ROBO2: variants seen among roughly 807,000 people sequenced by gnomAD.
The protein encoded by ROBO2 is roundabout homolog 2.
Under a neutral mutation model 160.8 loss-of-function variants are expected in ROBO2, and 53 were observed. The observed-to-expected ratio is 0.33, with a 90% CI of 0.26 to 0.41. The LOEUF is 0.41. Ranked by LOEUF, ROBO2 falls within the 10% of genes least tolerant of loss-of-function variation. The pLI is 1.00. For missense variants in ROBO2, 1,577 were observed against 1,722.4 expected (o/e 0.92, Z 1.49); for synonymous variants, 664 against 611.7 (o/e 1.09, Z -1.26).
chr3:76,622,262 GAAAGAAAGAAAGAAAGAAAGAAAGAA>G (rs959667662), intron 2 of ROBO2, among the ~76,000 whole-genome samples: 2 of 69,274 alleles, frequency 2.9e-5, no homozygotes, highest in Non-Finnish European at 6.0e-5. Flanking sequence ...AAGAAAGAAA[GAAAGAAAGAAAGAAAGAAAGAAAGAA>G]AGAAAGAAAG....
chr3:76,439,912 C>A (rs528221614), intron 2 of ROBO2, among the ~76,000 whole-genome samples: 1 of 152,090 alleles, frequency 6.6e-6, no homozygotes, highest in Admixed American at 6.6e-5. Flanking sequence ...TCTTGCCTTC[C>A]GGTATCCATG....
At chr3:76,486,902 C>T (rs1416862907) in intron 2 of ROBO2, among the ~76,000 whole-genome samples, 1 of 152,138 alleles carries the variant, frequency 6.6e-6, no homozygotes, top group African/African-American at 2.4e-5. Context: ...TAATTGTTAT[C>T]CCCTAAACCC....
intron 2 of ROBO2, among the ~76,000 whole-genome samples, chr3:76,558,036 CA>C (rs1560146066): frequency 6.6e-6 from 1 of 151,830 alleles, no homozygotes; most frequent in South Asian, 2.1e-4. Context: ...ACAAAAACAC[CA>C]AAAAAGCGAA....
intron 2 of ROBO2, among the ~76,000 whole-genome samples, chr3:76,462,616 A>AG (rs1451935115): frequency 6.6e-6 from 1 of 152,104 alleles, no homozygotes. Context: ...TAAAAAAAAA[A>AG]AAAAAGAATA....
At chr3:76,163,333 T>C (rs1263766130) in intron 2 of ROBO2, among the ~76,000 whole-genome samples, 1 of 151,728 alleles carries the variant, frequency 6.6e-6, no homozygotes, top group Non-Finnish European at 1.5e-5. Context: ...CTTATTTATA[T>C]AATGGAGATT....
intron 2 of ROBO2, among the ~76,000 whole-genome samples, chr3:77,268,770 G>A (rs1258412833): frequency 6.6e-6 from 1 of 152,154 alleles, no homozygotes; most frequent in Non-Finnish European, 1.5e-5. Flanking sequence ...TTGAATTTTT[G>A]TATCTACTCC....
At chr3:77,514,078 C>T (rs1397213431) in intron 5 of ROBO2, among the ~76,000 whole-genome samples, 4 of 151,508 alleles carry the variant, frequency 2.6e-5, no homozygotes, top group Non-Finnish European at 5.9e-5. Flanking sequence ...TAATTACAGC[C>T]AATGATACCT....
At chr3:77,004,178 T>C (rs904238069) in intron 2 of ROBO2, among the ~76,000 whole-genome samples, 4 of 152,294 alleles carry the variant, frequency 2.6e-5, no homozygotes, top group African/African-American at 7.2e-5. Flanking sequence ...ATAACAGAAA[T>C]ATTTTGTTGT....
intron 2 of ROBO2, among the ~76,000 whole-genome samples, chr3:76,242,179 T>C (rs1021698517): frequency 5.3e-5 from 8 of 152,190 alleles, no homozygotes; most frequent in African/African-American, 1.9e-4. Flanking sequence ...AATTACATTA[T>C]GAAGCTGCTT....
intron 2 of ROBO2, among the ~76,000 whole-genome samples, chr3:76,629,443 A>C (rs2089888705): frequency 6.6e-6 from 1 of 152,142 alleles, no homozygotes; most frequent in Admixed American, 6.5e-5. Context: ...AGCCAGTCCA[A>C]GTTCCAAAGC....
intron 2 of ROBO2, among the ~76,000 whole-genome samples, chr3:76,138,447 T>C (rs1018900894): frequency 6.6e-6 from 1 of 152,010 alleles, no homozygotes; most frequent in Non-Finnish European, 1.5e-5. Context: ...TATAATATAA[T>C]ATGAAATGGA....
At chr3:76,493,963 C>T (rs530235771) in intron 2 of ROBO2, among the ~76,000 whole-genome samples, 4 of 152,038 alleles carry the variant, frequency 2.6e-5, no homozygotes, top group East Asian at 1.9e-4. Context: ...TTTTAAAGTA[C>T]GTCCATAAGA....
At chr3:77,027,771 A>G (rs2063062874) in intron 2 of ROBO2, among the ~76,000 whole-genome samples, 1 of 152,132 alleles carries the variant, frequency 6.6e-6, no homozygotes, top group South Asian at 2.1e-4. Flanking sequence ...AGTGTGTTTA[A>G]TTAAGTGTGT....
At chr3:76,757,914 C>G (rs545772380) in intron 2 of ROBO2, among the ~76,000 whole-genome samples, 1 of 151,558 alleles carries the variant, frequency 6.6e-6, no homozygotes, top group African/African-American at 2.4e-5. Context: ...CTAAAAGGCA[C>G]GATTTGTGAA....
At chr3:77,461,881 A>C (rs2082281390) in intron 2 of ROBO2, among the ~76,000 whole-genome samples, 1 of 151,932 alleles carries the variant, frequency 6.6e-6, no homozygotes, top group Non-Finnish European at 1.5e-5. Context: ...CCGTGCCACC[A>C]CACCCAGCTA....
intron 2 of ROBO2, among the ~76,000 whole-genome samples, chr3:76,800,770 G>A (rs2064136542): frequency 6.6e-6 from 1 of 152,144 alleles, no homozygotes; most frequent in Admixed American, 6.5e-5. Context: ...ATACACTCTT[G>A]TCAGGCATGT....
intron 2 of ROBO2, among the ~76,000 whole-genome samples, chr3:76,875,294 A>G (rs2072586559): frequency 6.6e-6 from 1 of 152,206 alleles, no homozygotes; most frequent in South Asian, 2.1e-4. Context: ...AACTGTGAGA[A>G]ATACGTTTCT....
chr3:76,913,631 A>C (rs1289404104), intron 2 of ROBO2, among the ~76,000 whole-genome samples: 1 of 152,194 alleles, frequency 6.6e-6, no homozygotes, highest in Non-Finnish European at 1.5e-5. Context: ...AAATTAATGC[A>C]TTGTAGATGT....
intron 2 of ROBO2, among the ~76,000 whole-genome samples, chr3:77,269,429 T>A (rs1189636615): frequency 6.6e-6 from 1 of 152,228 alleles, no homozygotes; most frequent in Non-Finnish European, 1.5e-5. Context: ...CTTTAGGCTT[T>A]GGTACCTTTT....
Sources: allele counts gnomAD v4.1 joint callset (sites outside exome capture counted in the v4.1 genomes callset), GRCh38; gene constraint gnomAD v4.1.1; transcripts MANE v1.5; gene names NCBI Gene and HGNC (gene_info 2026-07-23, HGNC 2026-07-21).